MID1: variants seen among roughly 807,000 people sequenced by gnomAD.
The protein encoded by MID1 is midline 1.
Under a neutral mutation model 40.4 loss-of-function variants are expected in MID1, and 7 were observed. The observed-to-expected ratio is 0.17, with a 90% CI of 0.10 to 0.33. MID1 has a LOEUF of 0.33. Among genes scored for constraint, MID1 ranks in the 10% least tolerant of loss-of-function variants. MID1 has a pLI of 1.00. For synonymous variants in MID1, 229 were observed against 221.2 expected, an observed-to-expected ratio of 1.04 and a Z score of -0.31; for missense variants, 367 against 558.5, an observed-to-expected ratio of 0.66 and a Z score of 3.46.
At chrX:10,712,995 C>T (rs1480941419) in intron 1 of MID1, among the ~76,000 whole-genome samples, 1 of 110,779 alleles carries the variant, frequency 9.0e-6, no homozygotes, top group Non-Finnish European at 1.9e-5. Flanking sequence ...TGCCACCACA[C>T]CCGGCTAATT....
At chrX:10,480,796 C>T (rs1463767261) in intron 5 of MID1, among the ~76,000 whole-genome samples, 1 of 111,424 alleles carries the variant, frequency 9.0e-6, no homozygotes, top group Admixed American at 9.5e-5. Flanking sequence ...AAGGAATTTT[C>T]CTCAAATATA....
intron 1 of MID1, among the ~76,000 whole-genome samples, chrX:10,580,954 A>C (rs1324095372): frequency 4.6e-5 from 5 of 108,529 alleles, no homozygotes; most frequent in Non-Finnish European, 7.6e-5. Flanking sequence ...AAAAAAAAAA[A>C]AAAACATGTA....
intron 1 of MID1, among the ~76,000 whole-genome samples, chrX:10,703,778 T>C (rs1425911753): frequency 1.8e-5 from 2 of 112,511 alleles, no homozygotes; most frequent in Non-Finnish European, 3.8e-5. Flanking sequence ...AAGTAAGATG[T>C]GATTGAAGAA....
At position 10,447,791 on chromosome X, in the gene MID1, T is replaced by G. The variant is rs1164713456; in HGVS notation, c.*1577A>C. 8 of 112,227 alleles carry G rather than the reference T, an allele frequency of 7.1e-5. No individual in the cohort carries two copies. In the Admixed American group the frequency reaches 7.6e-4, roughly 11 times the overall value. 9.2% of individuals were successfully genotyped at this position (112,227 alleles called of 1,213,427 possible). On this transcript the variant is annotated 3_prime_UTR_variant, in exon 10 of 10. Transcript: ENST00000317552. ...CACATGACCTTTGGCCACGTGATGC[T>G]GAAACAATGAGTTCATTGACTTATT... is the stretch of plus-strand genomic sequence containing the variant.
rs1257072435 is a variant in MID1, at chrX:10,455,055, G to A, written c.1470C>T (p.Pro490=). ...CCTTCAGTTTTCGATGAGCAGATTT[G>A]GGATCCAGTTTAAATGGTTGGCCTG... The part of the protein sequence containing the change: ...KTNSQPFKLD[P]KSAHRKLKVS... The change falls in exon 9 of 10, where the codon CCC becomes CCT. Residue 490 remains proline, a synonymous_variant. Coordinates refer to ENST00000317552, the MANE Select transcript of MID1 (RefSeq NM_000381.4). The A allele has an allele frequency of 8.3e-7, 1 of 1,208,150 alleles. No homozygotes were observed. Among genetic ancestry groups the A allele is most frequent in the Non-Finnish European group, 1.1e-6 (1 of 893,787 alleles).
intron 1 of MID1, among the ~76,000 whole-genome samples, chrX:10,640,432 T>C (rs983796328): frequency 5.4e-5 from 6 of 110,760 alleles, no homozygotes; most frequent in Non-Finnish European, 7.5e-5. Flanking sequence ...CATTACATAA[T>C]GGTAAAGGGA....
At chrX:10,644,209 G>A (rs1309690286) in intron 1 of MID1, among the ~76,000 whole-genome samples, 1 of 110,747 alleles carries the variant, frequency 9.0e-6, no homozygotes, top group Non-Finnish European at 1.9e-5. Flanking sequence ...TATGTACCAG[G>A]CACTTAACTA....
intron 1 of MID1, among the ~76,000 whole-genome samples, chrX:10,731,133 C>T (rs1250402550): frequency 9.0e-6 from 1 of 110,954 alleles, no homozygotes; most frequent in Non-Finnish European, 1.9e-5. Flanking sequence ...TGTTATTCTC[C>T]CAAGAAAGCA....
intron 1 of MID1, among the ~76,000 whole-genome samples, chrX:10,767,186 T>C (rs2043736503): frequency 8.9e-6 from 1 of 112,264 alleles, no homozygotes; most frequent in Middle Eastern, 4.6e-3. Context: ...TTAGTAATCA[T>C]AGGGACAAAC....
At chrX:10,581,532 G>C (rs1935019574) in intron 1 of MID1, among the ~76,000 whole-genome samples, 1 of 111,706 alleles carries the variant, frequency 9.0e-6, no homozygotes, top group Non-Finnish European at 1.9e-5. Context: ...CAGGGTGGTA[G>C]GGGATGGGGG....
At chrX:10,686,799 T>A (rs1277067422) in intron 1 of MID1, among the ~76,000 whole-genome samples, 1 of 112,086 alleles carries the variant, frequency 8.9e-6, no homozygotes, top group East Asian at 2.8e-4. Flanking sequence ...GGAACAAGCG[T>A]TGCAGATCAG....
chrX:10,664,308 T>C (rs2042936251), intron 1 of MID1, among the ~76,000 whole-genome samples: 1 of 111,422 alleles, frequency 9.0e-6, no homozygotes, highest in Non-Finnish European at 1.9e-5. Context: ...ATTACAGTCA[T>C]GTACCACCAT....
At chrX:10,710,508 T>C (rs1302196946) in intron 1 of MID1, among the ~76,000 whole-genome samples, 1 of 110,553 alleles carries the variant, frequency 9.0e-6, no homozygotes, top group Non-Finnish European at 1.9e-5. Flanking sequence ...TATATATATA[T>C]GGATGGAGAA....
At chrX:10,710,055 G>A (rs1255934141) in intron 1 of MID1, among the ~76,000 whole-genome samples, 1 of 111,725 alleles carries the variant, frequency 9.0e-6, no homozygotes, top group Non-Finnish European at 1.9e-5. Flanking sequence ...AAGATTATGT[G>A]TCTGGGGTTG....
chrX:10,716,342 T>G (rs1602533533), intron 1 of MID1, among the ~76,000 whole-genome samples: 1 of 110,933 alleles, frequency 9.0e-6, no homozygotes, highest in East Asian at 2.9e-4. Flanking sequence ...TGCAGAGAAG[T>G]CCTTAAAGGA....
At chrX:10,523,700 A>G (rs1932776460) in intron 2 of MID1, among the ~76,000 whole-genome samples, 1 of 110,710 alleles carries the variant, frequency 9.0e-6, no homozygotes, top group South Asian at 3.8e-4. Context: ...TCACACACAC[A>G]TTTGGTCAGT....
At chrX:10,512,975 A>G (rs1932231331) in intron 3 of MID1, among the ~76,000 whole-genome samples, 1 of 112,230 alleles carries the variant, frequency 8.9e-6, no homozygotes, top group Non-Finnish European at 1.9e-5. Context: ...TTAAAATTTC[A>G]TATTTCTATT....
intron 2 of MID1, among the ~76,000 whole-genome samples, chrX:10,558,611 T>A (rs1055176172): frequency 8.8e-6 from 1 of 113,031 alleles, no homozygotes; most frequent in Non-Finnish European, 1.9e-5. Flanking sequence ...TCAGTCTACA[T>A]CCAATGTCCA....
intron 5 of MID1, among the ~76,000 whole-genome samples, chrX:10,482,210 C>A (rs182430455): frequency 8.9e-6 from 1 of 111,794 alleles, no homozygotes; most frequent in African/African-American, 3.3e-5. Flanking sequence ...GCTCCCCCCT[C>A]GTCCAAAAGC....
Sources: allele counts gnomAD v4.1 joint callset (sites outside exome capture counted in the v4.1 genomes callset), GRCh38; gene constraint gnomAD v4.1.1; transcripts MANE v1.5; gene names NCBI Gene and HGNC (gene_info 2026-07-23, HGNC 2026-07-21).